Variants in NSD1 observed in about 807,000 individuals in gnomAD.
NSD1 encodes nuclear receptor binding SET domain protein 1.
NSD1 carries 26 observed loss-of-function variants against 242.7 expected under a neutral mutation model. The ratio of observed to expected loss-of-function variants is 0.11; its 90% confidence interval spans 0.08 to 0.15. NSD1 has a LOEUF of 0.15. NSD1 is among the 10% of genes least tolerant of loss of function. NSD1 has a pLI of 1.00. For synonymous variants in NSD1, 1,106 were observed against 1,178.1 expected (o/e 0.94, Z 1.25); for missense variants, 2,495 against 3,272.8 (o/e 0.76, Z 5.80).
chr5:177,162,271 T>A (rs576703524), intron 2 of NSD1, among the ~76,000 whole-genome samples: 2 of 151,578 alleles, frequency 1.3e-5, no homozygotes, highest in African/African-American at 4.9e-5. Context: ...GCCCTCCAGG[T>A]TGGGCAAGAG....
At chr5:177,239,668 G>A (rs1765704040) in intron 7 of NSD1, 88 bp from the exon 8 acceptor site, 2 of 760,580 alleles carry the variant, frequency 2.6e-6, no homozygotes, top group East Asian at 2.6e-5. Flanking sequence ...AAAACATTGA[G>A]ATTCATTTTG....
At chr5:177,141,667 C>CTCTTTT (rs1359013429) in intron 2 of NSD1, among the ~76,000 whole-genome samples, 3 of 151,942 alleles carry the variant, frequency 2.0e-5, no homozygotes, top group Admixed American at 6.6e-5. Context: ...CGTCCTTGTT[C>CTCTTTT]TCTTTTTCTT....
At chr5:177,273,858 C>A in intron 17 of NSD1, 74 bp downstream of exon 17, 1 of 990,796 alleles carries the variant, frequency 1.0e-6, no homozygotes, top group Non-Finnish European at 1.6e-6. Context: ...CTGTTCATGA[C>A]AAGAACGGAA....
chr5:177,211,834 T>C lies in NSD1; in HGVS notation c.3435T>C (p.Asn1145=). The C allele has an allele frequency of 1.2e-6, 2 of 1,614,128 alleles. No homozygotes were observed. Among genetic ancestry groups the C allele is most frequent in the Non-Finnish European group, 1.7e-6 (2 of 1,180,024 alleles). ...TGGACTCTGTAATGAACAGTGAGAA[T>C]GATGAACTCAATGGTGTAAATCAAG... ...PELDSVMNSE[N]DELNGVNQVV... is the part of the protein sequence containing the mutation. The change falls in exon 5 of 23, where the codon AAT becomes AAC. Residue 1145 remains asparagine (N), a synonymous_variant. Transcript: ENST00000439151.
At chr5:177,175,827 A>G (rs1760146615) in intron 2 of NSD1, among the ~76,000 whole-genome samples, 1 of 152,016 alleles carries the variant, frequency 6.6e-6, no homozygotes, top group Non-Finnish European at 1.5e-5. Context: ...TCCTGTTTCG[A>G]TTTTACAACA....
At chr5:177,251,978 G>A (rs1756005383) in intron 12 of NSD1, 125 bp downstream of exon 12, 6 of 1,167,632 alleles carry the variant, frequency 5.1e-6, no homozygotes, top group Non-Finnish European at 6.3e-6. Context: ...TATAGAAATG[G>A]TGCTGTGGGG....
At chr5:177,215,089 A>G (rs767465390) in intron 5 of NSD1, among the ~76,000 whole-genome samples, 1 of 151,922 alleles carries the variant, frequency 6.6e-6, no homozygotes, top group Non-Finnish European at 1.5e-5. Flanking sequence ...TCATTGGTTG[A>G]TGGACATTTA....
intron 5 of NSD1, among the ~76,000 whole-genome samples, chr5:177,220,463 C>T (rs1340387532): frequency 1.3e-5 from 2 of 151,072 alleles, no homozygotes; most frequent in Non-Finnish European, 2.9e-5. Context: ...TTAGGTGAGC[C>T]TTTTATAGAT....
At chr5:177,276,206 C>T (rs1581515275) in intron 17 of NSD1, among the ~76,000 whole-genome samples, 1 of 152,278 alleles carries the variant, frequency 6.6e-6, no homozygotes, top group Middle Eastern at 3.4e-3. Flanking sequence ...ACTGGGATTA[C>T]AGGCGTGAGC....
Position 177,267,617 on chromosome 5 carries a change from G to A in NSD1, c.5202G>A (p.Leu1734=). ...CTGCTGCTTTTCATCGTGAATGCCT[G>A]AACATTGATATCCCTGAAGGAAACT... ...SCPAAFHREC[L]NIDIPEGNWY... The change falls in exon 15 of 23, where the codon CTG becomes CTA. Residue 1734 remains leucine, a synonymous_variant. Coordinates refer to ENST00000439151, the MANE Select transcript of NSD1 (RefSeq NM_022455.5). 2 of 1,614,072 alleles carry A rather than the reference G, an allele frequency of 1.2e-6. No individual in the cohort carries two copies. Among genetic ancestry groups the A allele is most frequent in the Non-Finnish European group, 1.7e-6 (2 of 1,180,002 alleles).
At chr5:177,192,345 G>A (rs1405068298) in intron 3 of NSD1, among the ~76,000 whole-genome samples, 1 of 151,398 alleles carries the variant, frequency 6.6e-6, no homozygotes, top group East Asian at 1.9e-4. Flanking sequence ...CGAGTAGCTG[G>A]GATTACAGGC....
chr5:177,171,727 T>C (rs959986031), intron 2 of NSD1, among the ~76,000 whole-genome samples: 4 of 152,250 alleles, frequency 2.6e-5, no homozygotes, highest in Non-Finnish European at 5.9e-5. Context: ...TATTTGTGTC[T>C]GGTGTATTTC....
At chr5:177,214,040 CG>C (rs1164584731) in intron 5 of NSD1, among the ~76,000 whole-genome samples, 1 of 151,642 alleles carries the variant, frequency 6.6e-6, no homozygotes, top group African/African-American at 2.4e-5. Context: ...TACTCTTTAA[CG>C]GTATTTACGG....
At chr5:177,181,231 C>T (rs1008982614) in intron 2 of NSD1, among the ~76,000 whole-genome samples, 5 of 151,468 alleles carry the variant, frequency 3.3e-5, no homozygotes, top group East Asian at 1.9e-4. Flanking sequence ...TGCAGTGAGC[C>T]GAGATTGTGC....
intron 5 of NSD1, among the ~76,000 whole-genome samples, chr5:177,226,660 C>A (rs933437805): frequency 6.6e-6 from 1 of 152,086 alleles, no homozygotes; most frequent in Non-Finnish European, 1.5e-5. Context: ...TCATAGTATT[C>A]CAATTTGAAA....
Position 177,141,112 on chromosome 5 carries a change from T to TTGGG in NSD1, c.927+5082_927+5083insTGGG, listed in dbSNP as rs1756774652. ...ATCTCGGCTCACTGCAACCTCTGCC[T>TTGGG]CCCAGGTTCAAGCAATTCTCTGCCT... On this transcript the variant is annotated intron_variant, in intron 2 of 22. Transcript: ENST00000439151. Among the ~76,000 whole-genome samples the TTGGG allele has an allele frequency of 5.9e-5, 9 of 152,096 alleles. No homozygotes were observed. The South Asian group carries it at 1.9e-3, about 32-fold the overall frequency.
At chr5:177,215,877 T>C (rs1370234956) in intron 5 of NSD1, among the ~76,000 whole-genome samples, 3 of 152,212 alleles carry the variant, frequency 2.0e-5, no homozygotes, top group Non-Finnish European at 4.4e-5. Context: ...CATATGTTTT[T>C]AATGATACTG....
chr5:177,246,447 T>A (rs1766300347), intron 9 of NSD1, among the ~76,000 whole-genome samples: 1 of 152,360 alleles, frequency 6.6e-6, no homozygotes, highest in South Asian at 2.1e-4. Context: ...TGTAATAACC[T>A]ATACACTTAC....
intron 2 of NSD1, among the ~76,000 whole-genome samples, chr5:177,157,331 A>C (rs1341971302): frequency 6.6e-6 from 1 of 152,012 alleles, no homozygotes; most frequent in Non-Finnish European, 1.5e-5. Flanking sequence ...GTGCTGTTGC[A>C]CTCCAGCCTG....
Sources: allele counts gnomAD v4.1 joint callset (sites outside exome capture counted in the v4.1 genomes callset), GRCh38; gene constraint gnomAD v4.1.1; transcripts MANE v1.5; gene names NCBI Gene and HGNC (gene_info 2026-07-23, HGNC 2026-07-21).